SLC36A1: variants seen among roughly 807,000 people sequenced by gnomAD.
SLC36A1 encodes solute carrier family 36 member 1.
A neutral mutation model predicts 47.5 loss-of-function variants in SLC36A1; 30 were observed. The observed-to-expected ratio is 0.63, with a 90% confidence interval of 0.47 to 0.86. The LOEUF (loss-of-function observed/expected upper bound fraction) is 0.86, where lower values mean the gene tolerates loss of function less well. SLC36A1 is among the 40% of genes least tolerant of loss of function. The probability of loss-of-function intolerance (pLI) is 0.00; values close to 1 mark genes in which losing one functional copy is unlikely to be tolerated. For missense variants in SLC36A1, 517 were observed against 606.0 expected (o/e 0.85, Z 1.54); for synonymous variants, 255 against 249.7 (o/e 1.02, Z -0.20).
intron 2 of SLC36A1, among the ~76,000 whole-genome samples, chr5:151,463,244 G>A (rs1755821516): frequency 6.6e-6 from 1 of 152,190 alleles, no homozygotes; most frequent in South Asian, 2.1e-4. Context: ...AAAGGATAGA[G>A]TGTCTGAAGA....
chr5:151,378,595 G>A, the SLC36A1 span: 3 of 194,848 alleles, frequency 1.5e-5, no homozygotes, highest in Admixed American at 1.0e-4. Context: ...AGGTCATGGT[G>A]ACCATCTTCC....
At chr5:151,468,301 T>TATATATATATATAAA (rs1756858867) in intron 7 of SLC36A1, among the ~76,000 whole-genome samples, 2 of 93,402 alleles carry the variant, frequency 2.1e-5, no homozygotes, top group South Asian at 4.2e-4. Flanking sequence ...ATATTTTATA[T>TATATATATATATAAA]ATATATATTT....
At chr5:151,388,237 C>T in the SLC36A1 span, among the ~76,000 whole-genome samples, 1 of 152,142 alleles carries the variant, frequency 6.6e-6, no homozygotes, top group Non-Finnish European at 1.5e-5. Flanking sequence ...GGCGGTGGCT[C>T]ATGGCTGTAA....
chr5:151,410,595 A>G, the SLC36A1 span, among the ~76,000 whole-genome samples: 3 of 144,998 alleles, frequency 2.1e-5, no homozygotes, highest in Admixed American at 2.0e-4. Context: ...CATAGTCTGA[A>G]AAATTATTAT....
At chr5:151,416,933 A>C in the SLC36A1 span, among the ~76,000 whole-genome samples, 1 of 152,158 alleles carries the variant, frequency 6.6e-6, no homozygotes, top group Non-Finnish European at 1.5e-5. Flanking sequence ...TGGTTTTATA[A>C]GGGGCTCTTC....
At chr5:151,462,806 C>T (rs890179496) in intron 2 of SLC36A1, among the ~76,000 whole-genome samples, 29 of 150,686 alleles carry the variant, frequency 1.9e-4, no homozygotes, top group African/African-American at 6.7e-4. Flanking sequence ...TTTTTAATTT[C>T]CTCTGTTCTC....
At chr5:151,545,309 T>C in the SLC36A1 span, 2 of 1,614,134 alleles carry the variant, frequency 1.2e-6, no homozygotes, top group Non-Finnish European at 8.5e-7. Context: ...GCCCTGATGG[T>C]GAGCTTCCGA....
chr5:151,443,801 T>A (rs888159129), upstream of SLC36A1, among the ~76,000 whole-genome samples: 18 of 152,220 alleles, frequency 1.2e-4, no homozygotes, highest in Non-Finnish European at 4.4e-5. Context: ...TAGTTTCAGA[T>A]CTTACATTTA....
At chr5:151,527,445 T>G in the SLC36A1 span, 1 of 1,425,956 alleles carries the variant, frequency 7.0e-7, no homozygotes. Context: ...CCCTGAGTCA[T>G]CACTAATATT....
At chr5:151,442,321 A>C (rs968281278) in intron 1 of SLC36A1, among the ~76,000 whole-genome samples, 6 of 152,098 alleles carry the variant, frequency 3.9e-5, no homozygotes, top group Non-Finnish European at 5.9e-5. Context: ...GAGCAGCTAA[A>C]ATTTACTCAT....
At chr5:151,483,959 A>C (rs1214330860) in intron 10 of SLC36A1, among the ~76,000 whole-genome samples, 1 of 152,222 alleles carries the variant, frequency 6.6e-6, no homozygotes, top group East Asian at 1.9e-4. Flanking sequence ...AATCTCTATT[A>C]AGGATATTTT....
chr5:151,410,996 G>A, the SLC36A1 span, among the ~76,000 whole-genome samples: 1 of 144,866 alleles, frequency 6.9e-6, no homozygotes, highest in Non-Finnish European at 1.5e-5. Flanking sequence ...CTGGTCTAAA[G>A]TCTATACTTG....
chr5:151,355,756 A>G, the SLC36A1 span, among the ~76,000 whole-genome samples: 1 of 152,234 alleles, frequency 6.6e-6, no homozygotes, highest in Non-Finnish European at 1.5e-5. Context: ...CCATTTTTCA[A>G]AAAACAAATG....
At chr5:151,537,677 G>A in the SLC36A1 span, 60 of 1,028,756 alleles carry the variant, frequency 5.8e-5, 1 homozygote, top group South Asian at 1.0e-3. Context: ...GCCAATATAT[G>A]TTTGCTGATA....
upstream of SLC36A1, among the ~76,000 whole-genome samples, chr5:151,444,402 TTGAG>T (rs1184488880): frequency 4.6e-5 from 7 of 152,226 alleles, no homozygotes; most frequent in Non-Finnish European, 1.0e-4. Context: ...AAATTGATTA[TTGAG>T]TATTTTTTAA....
At chr5:151,403,699 A>C in the SLC36A1 span, among the ~76,000 whole-genome samples, 1,181 of 152,312 alleles carry the variant, frequency 7.8e-3, 16 homozygotes, top group African/African-American at 0.027. Context: ...TTTAGGAGCA[A>C]GTTGCTTAGT....
chr5:151,488,766 T>A lies in SLC36A1; in HGVS notation c.*512T>A. The A allele has an allele frequency of 6.2e-6, 1 of 161,662 alleles. No individual in the cohort carries two copies. The highest frequency in any genetic ancestry group is 1.7e-4 in the South Asian group (1 of 5,882). 10.0% of individuals were successfully genotyped at this position (161,662 alleles called of 1,614,324 possible). On this transcript the variant is annotated 3_prime_UTR_variant, in exon 11 of 11. Transcript: ENST00000243389. ...CCTATTCGAGTCTCCAGGGGGTGGC[T>A]GGACCTACCTGGTCATTTGAAACAG...
At chr5:151,544,810 G>A in the SLC36A1 span, 81 of 1,614,086 alleles carry the variant, frequency 5.0e-5, no homozygotes, top group Non-Finnish European at 7.6e-6. Flanking sequence ...AAATTCATAT[G>A]TAACAGCCCC....
At chr5:151,468,296 T>TCA (rs1756848355) in intron 7 of SLC36A1, among the ~76,000 whole-genome samples, 1 of 67,700 alleles carries the variant, frequency 1.5e-5, no homozygotes, top group Non-Finnish European at 3.1e-5. Context: ...TATATATATT[T>TCA]TATATATATA....
Sources: allele counts gnomAD v4.1 joint callset (sites outside exome capture counted in the v4.1 genomes callset), GRCh38; gene constraint gnomAD v4.1.1; transcripts MANE v1.5; gene names NCBI Gene and HGNC (gene_info 2026-07-23, HGNC 2026-07-21).